AK5: variants seen among roughly 807,000 people sequenced by gnomAD.
AK5 encodes adenylate kinase 5.
A neutral mutation model predicts 69.5 loss-of-function variants in AK5; 27 were observed. The observed-to-expected ratio is 0.39, with a 90% CI of 0.29 to 0.54. AK5 has a LOEUF of 0.54. Ranked by LOEUF, AK5 falls within the 20% of genes least tolerant of loss-of-function variation. The pLI is 0.71. For synonymous variants in AK5, 260 were observed against 244.4 expected, an observed-to-expected ratio of 1.06 and a Z score of -0.60; for missense variants, 531 against 700.4, an observed-to-expected ratio of 0.76 and a Z score of 2.73.
chr1:77,289,044 TC>T (rs1218434118), intron 2 of AK5, among the ~76,000 whole-genome samples: 2 of 152,246 alleles, frequency 1.3e-5, no homozygotes, highest in Non-Finnish European at 2.9e-5. Flanking sequence ...GAGATTTTTC[TC>T]TTACCATACA....
At chr1:77,507,412 A>G (rs1478715511) in intron 10 of AK5, among the ~76,000 whole-genome samples, 1 of 152,274 alleles carries the variant, frequency 6.6e-6, no homozygotes, top group Admixed American at 6.5e-5. Flanking sequence ...TAAGAATTAA[A>G]TAATTACAAG....
intron 5 of AK5, among the ~76,000 whole-genome samples, chr1:77,326,051 G>T (rs71658793): frequency 8.5e-5 from 13 of 152,256 alleles, no homozygotes; most frequent in Non-Finnish European, 1.8e-4. Context: ...ATGCACTAAA[G>T]ATATATTATC....
intron 8 of AK5, among the ~76,000 whole-genome samples, chr1:77,460,352 T>C (rs532382337): frequency 6.6e-6 from 1 of 152,220 alleles, no homozygotes; most frequent in Non-Finnish European, 1.5e-5. Flanking sequence ...AAAGAAGGAA[T>C]GGATATTTGT....
intron 13 of AK5, among the ~76,000 whole-genome samples, chr1:77,550,513 GA>G (rs1473866187): frequency 6.6e-6 from 1 of 152,152 alleles, no homozygotes; most frequent in Non-Finnish European, 1.5e-5. Context: ...CTCATTCACA[GA>G]AAACAGTCAG....
intron 8 of AK5, among the ~76,000 whole-genome samples, chr1:77,482,364 T>A (rs1300867020): frequency 6.6e-6 from 1 of 152,186 alleles, no homozygotes; most frequent in Non-Finnish European, 1.5e-5. Context: ...GAGCATCTGT[T>A]TGATTAAATT....
chr1:77,423,274 A>G (rs1303852279), intron 8 of AK5, among the ~76,000 whole-genome samples: 1 of 150,602 alleles, frequency 6.6e-6, no homozygotes, highest in Admixed American at 6.6e-5. Context: ...TAGGGAGTGC[A>G]GGGTACCTTG....
chr1:77,314,211 C>T lies in AK5; in HGVS notation c.699+16264C>T, dbSNP rs1660119729. 5 of 276,966 alleles carry T rather than the reference C, an allele frequency of 1.8e-5. No individual in the cohort carries two copies. The South Asian group carries it at 1.9e-4, about 11-fold the overall frequency. The allele number at this position is 276,966 out of a possible 1,614,324, so 17.2% of individuals were successfully genotyped here. A position where few individuals can be genotyped will look rare whatever the true frequency, so the allele number is the denominator to read the frequency against. ...GTTTTCAAGGAGGCTGGAGAATCTG[C>T]TCCAAGTCACATGTATCAAGAGGCA... On this transcript the variant is annotated intron_variant, in intron 5 of 13. Transcript: ENST00000354567.
intron 11 of AK5, among the ~76,000 whole-genome samples, chr1:77,520,187 C>T (rs557127740): frequency 2.3e-5 from 3 of 129,284 alleles, no homozygotes; most frequent in South Asian, 2.7e-4. Context: ...CAGGCAACAG[C>T]GTGAAACTCC....
intron 6 of AK5, among the ~76,000 whole-genome samples, chr1:77,399,236 G>C (rs1649033434): frequency 6.6e-6 from 1 of 152,088 alleles, no homozygotes; most frequent in Admixed American, 6.6e-5. Context: ...TTTGCTCTGG[G>C]GCTGTACCTG....
At chr1:77,526,643 T>G (rs1200177145) in intron 12 of AK5, among the ~76,000 whole-genome samples, 2 of 151,480 alleles carry the variant, frequency 1.3e-5, no homozygotes, top group African/African-American at 4.8e-5. Flanking sequence ...ACCTGGCTAA[T>G]TTTTTGTATT....
intron 8 of AK5, among the ~76,000 whole-genome samples, chr1:77,460,295 G>C (rs1303291026): frequency 1.3e-5 from 2 of 152,202 alleles, no homozygotes; most frequent in African/African-American, 4.8e-5. Context: ...CAAATGAAGA[G>C]CATTTAGAAT....
intron 13 of AK5, among the ~76,000 whole-genome samples, chr1:77,550,378 A>G (rs1395586965): frequency 1.3e-5 from 2 of 152,184 alleles, no homozygotes; most frequent in Non-Finnish European, 1.5e-5. Context: ...GATGAAACTT[A>G]CTTTTGACTG....
chr1:77,515,496 C>A (rs186187907), intron 10 of AK5, among the ~76,000 whole-genome samples: 2 of 152,326 alleles, frequency 1.3e-5, no homozygotes, highest in Admixed American at 1.3e-4. Context: ...TTCCTTTTAG[C>A]AAGAAAACTT....
intron 6 of AK5, among the ~76,000 whole-genome samples, chr1:77,378,762 G>A (rs1484386179): frequency 6.6e-6 from 1 of 152,192 alleles, no homozygotes; most frequent in Non-Finnish European, 1.5e-5. Flanking sequence ...GAAGATAAAG[G>A]AGCTATTAAG....
rs376378483 is a variant in AK5, at chr1:77,283,122, G to A, written c.60+749G>A. 69 of 985,818 alleles carry A rather than the reference G, an allele frequency of 7.0e-5. 1 individual carries two copies. The South Asian group carries it at 2.1e-3, about 30-fold the overall frequency. The allele number at this position is 985,818 out of a possible 1,614,324, so 61.1% of individuals were successfully genotyped here. A position where few individuals can be genotyped will look rare whatever the true frequency, so the allele number is the denominator to read the frequency against. ...CCGCAGCACAGCATCATCTGCACCG[G>A]GACCCGGGAATGGGGGGACACTTGG... is the stretch of plus-strand genomic sequence containing the variant. On this transcript the variant is annotated intron_variant, in intron 1 of 13. Transcript: ENST00000354567.
chr1:77,289,442 G>C (rs1466253255), intron 2 of AK5, among the ~76,000 whole-genome samples: 3 of 151,982 alleles, frequency 2.0e-5, no homozygotes, highest in East Asian at 1.9e-4. Context: ...CCATACTTTT[G>C]TTACATCAAG....
At chr1:77,294,876 A>T (rs1246405043) in intron 3 of AK5, among the ~76,000 whole-genome samples, 2 of 152,138 alleles carry the variant, frequency 1.3e-5, no homozygotes, top group Non-Finnish European at 2.9e-5. Flanking sequence ...AAAAATTTTT[A>T]AAATTAGCTG....
chr1:77,293,170 T>G (rs1370883099), intron 2 of AK5, among the ~76,000 whole-genome samples: 9 of 152,198 alleles, frequency 5.9e-5, no homozygotes, highest in African/African-American at 2.2e-4. Context: ...GTTTGCACCC[T>G]CCTACTGACC....
intron 12 of AK5, among the ~76,000 whole-genome samples, chr1:77,525,794 T>A (rs1323240694): frequency 2.0e-5 from 3 of 152,218 alleles, no homozygotes; most frequent in Admixed American, 6.5e-5. Flanking sequence ...GACTGTCTAT[T>A]CTATTGGTCT....
Sources: gnomAD v4.1 joint callset for allele counts (sites outside exome capture counted in the v4.1 genomes callset) on GRCh38, gnomAD v4.1.1 for gene constraint, MANE v1.5 for transcripts, NCBI Gene and HGNC (gene_info 2026-07-23, HGNC 2026-07-21) for gene names.